The following CAMK2D variants were observed in gnomAD, a reference collection of about 807,000 sequenced individuals.
The protein encoded by CAMK2D is calcium/calmodulin-dependent protein kinase type II subunit delta.
In CAMK2D, 37 loss-of-function variants were observed where a neutral mutation model predicts 84.0. That is an observed-to-expected ratio of 0.44 (90% CI 0.34 to 0.58). The LOEUF (loss-of-function observed/expected upper bound fraction) is 0.58, where lower values mean the gene tolerates loss of function less well. Among genes scored for constraint, CAMK2D ranks in the 20% least tolerant of loss-of-function variants. The pLI, the probability that CAMK2D is intolerant of heterozygous loss-of-function variation, is 0.02. For missense variants in CAMK2D, 448 were observed against 652.5 expected (o/e 0.69, Z 3.41); for synonymous variants, 202 against 212.5 (o/e 0.95, Z 0.43).
intron 2 of CAMK2D, among the ~76,000 whole-genome samples, chr4:113,673,191 T>C (rs959245752): frequency 3.3e-5 from 5 of 152,166 alleles, no homozygotes; most frequent in African/African-American, 1.2e-4. Context: ...AGGGAATGAG[T>C]GTCTCTGAGA....
intron 13 of CAMK2D, 32 bp downstream of exon 13, chr4:113,509,606 A>T: frequency 7.0e-7 from 1 of 1,429,298 alleles, no homozygotes; most frequent in East Asian, 2.3e-5. Context: ...TCTGAAAGTC[A>T]GAAATGGATT....
intron 4 of CAMK2D, among the ~76,000 whole-genome samples, chr4:113,555,845 G>A (rs2098660973): frequency 6.6e-6 from 1 of 152,160 alleles, no homozygotes; most frequent in South Asian, 2.1e-4. Flanking sequence ...GGTGGGGCCT[G>A]TGGGAGGTAA....
At chr4:113,712,446 T>C (rs1361190292) in intron 2 of CAMK2D, among the ~76,000 whole-genome samples, 1 of 152,192 alleles carries the variant, frequency 6.6e-6, no homozygotes, top group African/African-American at 2.4e-5. Flanking sequence ...AATATACTTC[T>C]ATTTAAAGAC....
At chr4:113,632,565 G>C in intron 3 of CAMK2D, among the ~76,000 whole-genome samples, 1 of 151,136 alleles carries the variant, frequency 6.6e-6, no homozygotes, top group Non-Finnish European at 1.5e-5. Context: ...ACTCCAGCCT[G>C]GGTGATACCC....
At chr4:113,728,495 C>T (rs796939515) in intron 2 of CAMK2D, among the ~76,000 whole-genome samples, 1 of 152,154 alleles carries the variant, frequency 6.6e-6, no homozygotes. Context: ...CATGAAGGAA[C>T]ATTCTGTAGT....
chr4:113,573,914 G>A (rs1461607220), intron 4 of CAMK2D, among the ~76,000 whole-genome samples: 1 of 152,112 alleles, frequency 6.6e-6, no homozygotes, highest in Non-Finnish European at 1.5e-5. Flanking sequence ...ATAAGTGAGA[G>A]TCTCTCATCA....
chr4:113,567,862 A>G (rs1442799222), intron 4 of CAMK2D, among the ~76,000 whole-genome samples: 1 of 152,222 alleles, frequency 6.6e-6, no homozygotes, highest in Non-Finnish European at 1.5e-5. Flanking sequence ...CCCAATAAAC[A>G]TTAGTTATAA....
At chr4:113,532,025 CAAAT>C (rs1022155917) in intron 7 of CAMK2D, among the ~76,000 whole-genome samples, 6 of 151,968 alleles carry the variant, frequency 3.9e-5, no homozygotes, top group African/African-American at 1.2e-4. Context: ...TTTAAAAGCA[CAAAT>C]AAACTAAAAA....
At chr4:113,676,118 C>G (rs1170767169) in intron 2 of CAMK2D, among the ~76,000 whole-genome samples, 2 of 152,182 alleles carry the variant, frequency 1.3e-5, no homozygotes, top group Non-Finnish European at 1.5e-5. Flanking sequence ...CACCACCATT[C>G]AACCCACTTT....
chr4:113,521,733 A>C (rs1032751501), intron 8 of CAMK2D, among the ~76,000 whole-genome samples: 2 of 151,982 alleles, frequency 1.3e-5, no homozygotes, highest in Non-Finnish European at 2.9e-5. Flanking sequence ...TAAAATTTTA[A>C]AACTAATATT....
intron 8 of CAMK2D, among the ~76,000 whole-genome samples, chr4:113,523,817 AAAT>A (rs1384952463): frequency 1.3e-5 from 2 of 151,660 alleles, no homozygotes; most frequent in Non-Finnish European, 2.9e-5. Context: ...ACAAATAAAT[AAAT>A]AATTAGTACA....
intron 16 of CAMK2D, among the ~76,000 whole-genome samples, chr4:113,472,477 C>T (rs2097558653): frequency 6.6e-6 from 1 of 152,152 alleles, no homozygotes; most frequent in South Asian, 2.1e-4. Flanking sequence ...AAACCAGATA[C>T]TTCTAGTCAA....
intron 2 of CAMK2D, among the ~76,000 whole-genome samples, chr4:113,721,246 TTG>T (rs1157116428): frequency 6.6e-6 from 1 of 152,166 alleles, no homozygotes; most frequent in African/African-American, 2.4e-5. Flanking sequence ...GAAAGGTAAC[TTG>T]TGATCAAAAT....
intron 4 of CAMK2D, among the ~76,000 whole-genome samples, chr4:113,557,086 A>G (rs2098669966): frequency 6.6e-6 from 1 of 152,118 alleles, no homozygotes; most frequent in African/African-American, 2.4e-5. Flanking sequence ...TGCTGATTAT[A>G]TCTCCAAAAC....
intron 2 of CAMK2D, among the ~76,000 whole-genome samples, chr4:113,691,088 C>T (rs1217801628): frequency 6.6e-6 from 1 of 152,170 alleles, no homozygotes; most frequent in Non-Finnish European, 1.5e-5. Context: ...CACTCTGGAT[C>T]TATAACAACC....
At chr4:113,485,369 A>C (rs950120125) in intron 16 of CAMK2D, among the ~76,000 whole-genome samples, 2 of 152,214 alleles carry the variant, frequency 1.3e-5, no homozygotes, top group African/African-American at 4.8e-5. Context: ...ATAGTCCCTC[A>C]CTAAATATTT....
chr4:113,462,068 G>A (rs1162160519), intron 17 of CAMK2D, among the ~76,000 whole-genome samples: 1 of 152,126 alleles, frequency 6.6e-6, no homozygotes, highest in African/African-American at 2.4e-5. Context: ...AGCAAAATGG[G>A]AAGAACAGCG....
intron 2 of CAMK2D, among the ~76,000 whole-genome samples, chr4:113,680,210 A>G (rs1446206306): frequency 1.3e-5 from 2 of 152,206 alleles, no homozygotes; most frequent in Admixed American, 1.3e-4. Flanking sequence ...GGCGTAAGAT[A>G]TTTACATAGA....
In CAMK2D at chr4:113,455,715, A is replaced by T; in HGVS notation, c.*29+11T>A. 1.4e-6 allele frequency: 2 copies of T among 1,464,508 alleles called. No individual in the cohort carries two copies. The highest frequency in any genetic ancestry group is 1.9e-6 in the Non-Finnish European group (2 of 1,045,772). 90.7% of individuals were successfully genotyped at this position (1,464,508 alleles called of 1,614,324 possible). On this transcript the variant is annotated intron_variant, in intron 20 of 20. Coordinates refer to ENST00000511664, the MANE Select transcript of CAMK2D (RefSeq NM_001321571.2). ...CAGTCACAAAGTATCACGGAGCAGGATGTTACTTACAAGACCCATATGTGA... is the reference window on the plus strand; with the variant it reads ...CAGTCACAAAGTATCACGGAGCAGGTTGTTACTTACAAGACCCATATGTGA...
Sources: gnomAD v4.1 joint callset for allele counts (sites outside exome capture counted in the v4.1 genomes callset) on GRCh38, gnomAD v4.1.1 for gene constraint, MANE v1.5 for transcripts, NCBI Gene and HGNC (gene_info 2026-07-23, HGNC 2026-07-21) for gene names.